OOSP2: variants seen among roughly 807,000 people sequenced by gnomAD.
OOSP2 encodes oocyte secreted protein 2.
Under a neutral mutation model 13.4 loss-of-function variants are expected in OOSP2, and 7 were observed. That is an observed-to-expected ratio of 0.52 (90% CI 0.30 to 0.98). The LOEUF is 0.98. Ranked by LOEUF, OOSP2 falls within the 50% of genes least tolerant of loss-of-function variation. OOSP2 has a pLI of 0.07. For synonymous variants in OOSP2, 75 were observed against 67.2 expected (o/e 1.12, Z -0.57); for missense variants, 184 against 188.5 (o/e 0.98, Z 0.14).
In OOSP2 at chr11:60,043,500, G is replaced by A; in HGVS notation, c.96G>A (p.Met32Ile). The A allele has an allele frequency of 6.2e-7, 1 of 1,613,302 alleles. No homozygotes were observed. The highest frequency in any genetic ancestry group is 8.5e-7 in the Non-Finnish European group (1 of 1,179,352). Residue 32 changes from methionine (M) to isoleucine (I), a missense_variant, in exon 2 of 4, where the codon ATG becomes ATA. Transcript: ENST00000278855. ...TAAGTTGCTCTCTGGACTGGTTGAT[G>A]GTCTCAGTTATCCCAGTTGCAGAAA... Reference protein sequence around the residue: ...VKISCSLDWLMVSVIPVAESR... With the variant: ...VKISCSLDWLIVSVIPVAESR...
chr11:60,043,444 G>A (rs754420012), intron 1 of OOSP2, 25 bp from the exon 2 acceptor site: 1 of 1,546,736 alleles, frequency 6.5e-7, no homozygotes. Flanking sequence ...CCCTTCTGAT[G>A]CTTTTCATAT....
At chr11:60,045,274 T>C (rs1423277956) in intron 3 of OOSP2, among the ~76,000 whole-genome samples, 3 of 152,170 alleles carry the variant, frequency 2.0e-5, no homozygotes, top group Admixed American at 1.3e-4. Context: ...AATTATTAAA[T>C]GTACTTTGCT....
intron 1 of OOSP2, among the ~76,000 whole-genome samples, chr11:60,043,125 C>T (rs1854959075): frequency 6.6e-6 from 1 of 152,016 alleles, no homozygotes; most frequent in Non-Finnish European, 1.5e-5. Context: ...AGGACGGTCT[C>T]GATCTCCTGA....
rs1449437198 is a variant in OOSP2, at chr11:60,042,970, T to A, written c.65-499T>A. Among the ~76,000 whole-genome samples, 3 of 152,044 alleles carry A rather than the reference T, an allele frequency of 2.0e-5. No homozygotes were observed. In the East Asian group the frequency reaches 5.8e-4, roughly 29 times the overall value. ...CCCAGGCTGGAGTGCAGTGGCGCGA[T>A]CTTGGTTCACTGCAAGCCCCGCCTC... On this transcript the variant is annotated intron_variant, in intron 1 of 3. Coordinates refer to ENST00000278855, the MANE Select transcript of OOSP2 (RefSeq NM_173801.5).
At position 60,047,042 on chromosome 11, in the gene OOSP2, GATT is replaced by G; in HGVS notation, c.452_454del (p.Leu151del). On this transcript the variant is annotated inframe_deletion, in exon 4 of 4. Transcript: ENST00000278855. The stretch of plus-strand genomic sequence containing the variant: ...TTTCAGACAACAGCAGAAGAGTTAG[GATT>G]ATTATCTTCTAGTCCAAACTTGCTC... 6.2e-7 allele frequency: 1 copy of G among 1,611,084 alleles called. No homozygotes were observed. Among genetic ancestry groups the G allele is most frequent in the Non-Finnish European group, 8.5e-7 (1 of 1,177,610 alleles).
chr11:60,041,228 G>A (rs999655453), intron 1 of OOSP2, among the ~76,000 whole-genome samples: 1 of 152,026 alleles, frequency 6.6e-6, no homozygotes, highest in Non-Finnish European at 1.5e-5. Context: ...AAACTGATAC[G>A]TCAATTTCTT....
chr11:60,047,051 C>T lies in OOSP2; in HGVS notation c.455C>T (p.Ser152Phe), dbSNP rs200996938. Residue 152 changes from serine to phenylalanine, a missense_variant, in exon 4 of 4, where the codon TCT becomes TTT. Coordinates refer to ENST00000278855, the MANE Select transcript of OOSP2 (RefSeq NM_173801.5). ...ACAGCAGAAGAGTTAGGATTATTAT[C>T]TTCTAGTCCAAACTTGCTCTGAGCT... ...QTTAEELGLL[S>F]SSPNLL 6.8e-6 allele frequency: 11 copies of T among 1,610,878 alleles called. No homozygotes were observed. The highest frequency in any genetic ancestry group is 2.2e-5 in the East Asian group (1 of 44,842).
chr11:60,043,025 C>T lies in OOSP2; in HGVS notation c.65-444C>T, dbSNP rs1302714988. On this transcript the variant is annotated intron_variant, in intron 1 of 3. Transcript: ENST00000278855. ...GTTCTCGCCGTTCTCCTGCCTCAGC[C>T]TCCCGAGTAGCTGGGACTACAGGCG... Among the ~76,000 whole-genome samples the T allele has an allele frequency of 2.0e-5, 3 of 152,224 alleles. No individual in the cohort carries two copies. In the East Asian group the frequency reaches 5.8e-4, roughly 29 times the overall value.
In OOSP2 at chr11:60,047,103, G is replaced by GT; in HGVS notation, c.*31dup. 5 of 1,572,330 alleles carry GT rather than the reference G, an allele frequency of 3.2e-6. No individual in the cohort carries two copies. The highest frequency in any genetic ancestry group is 4.3e-6 in the Non-Finnish European group (5 of 1,158,666). Reference sequence around the variant, plus strand: ...AAGGAGAAATGGAAACTTGAAGCTGGTGTTATGTATTTTGCAGGAAAACAG... The same window carrying GT: ...AAGGAGAAATGGAAACTTGAAGCTGGTTGTTATGTATTTTGCAGGAAAACAG... On this transcript the variant is annotated 3_prime_UTR_variant, in exon 4 of 4. Transcript: ENST00000278855.
intron 1 of OOSP2, among the ~76,000 whole-genome samples, chr11:60,041,101 G>A (rs1264924071): frequency 6.6e-6 from 1 of 152,158 alleles, no homozygotes; most frequent in African/African-American, 2.4e-5. Context: ...ATGCTTGCCA[G>A]CTCCAAGGCC....
chr11:60,046,622 T>C, intron 3 of OOSP2: 2 of 476,650 alleles, frequency 4.2e-6, no homozygotes, highest in South Asian at 3.1e-5. Context: ...GTTCTTAGGA[T>C]CCATTTGGCT....
chr11:60,046,072 C>T (rs912234777), intron 3 of OOSP2, among the ~76,000 whole-genome samples: 2 of 140,680 alleles, frequency 1.4e-5, no homozygotes, highest in Non-Finnish European at 3.1e-5. Context: ...CTGTCTCTCT[C>T]TGTCTGTCTC....
In OOSP2 at chr11:60,043,516, G is replaced by C; in HGVS notation, c.112G>C (p.Val38Leu). The C allele has an allele frequency of 6.2e-7, 1 of 1,613,498 alleles. No homozygotes were observed. The highest frequency in any genetic ancestry group is 1.1e-5 in the South Asian group (1 of 91,062). ...LDWLMVSVIP[V>L]AESRNLYIFA... The stretch of plus-strand genomic sequence containing the variant: ...CTGGTTGATGGTCTCAGTTATCCCA[G>C]TTGCAGAAAGCAGAAATCTGTATAT... The change falls in exon 2 of 4, where the codon GTT becomes CTT. Residue 38 changes from valine (V) to leucine (L), a missense_variant. Transcript: ENST00000278855.
chr11:60,042,354 G>A (rs1189018145), intron 1 of OOSP2, among the ~76,000 whole-genome samples: 2 of 152,180 alleles, frequency 1.3e-5, no homozygotes, highest in East Asian at 3.8e-4. Flanking sequence ...TGATTTAAAG[G>A]TTATGATCAC....
intron 3 of OOSP2, among the ~76,000 whole-genome samples, chr11:60,045,614 C>CATTTGTAT (rs1184013726): frequency 6.6e-6 from 1 of 151,716 alleles, no homozygotes; most frequent in East Asian, 1.9e-4. Context: ...TAATCTTGTA[C>CATTTGTAT]ATTTGTACAA....
intron 1 of OOSP2, among the ~76,000 whole-genome samples, chr11:60,042,179 A>T (rs1854943894): frequency 6.6e-6 from 1 of 152,226 alleles, no homozygotes; most frequent in African/African-American, 2.4e-5. Flanking sequence ...TGTGAAAAAA[A>T]ATGCAGTGAA....
At chr11:60,043,374 CT>C in intron 1 of OOSP2, 94 bp from the exon 2 acceptor site, 1 of 664,898 alleles carries the variant, frequency 1.5e-6, no homozygotes, top group Non-Finnish European at 2.5e-6. Context: ...AAATAAATGC[CT>C]TTTATTTATC....
rs1463500838 is a variant in OOSP2 at position 60,047,002 on chromosome 11, C to T, written c.406C>T (p.Pro136Ser). Residue 136 changes from proline to serine, a missense_variant, in exon 4 of 4, where the codon CCT (proline) becomes TCT (serine). Pro to Ser is a moderately conservative substitution (Grantham distance 74). Transcript: ENST00000278855. Reference protein sequence around the residue: ...TENEIKLDPSPFIADFQTTAE... With the variant: ...TENEIKLDPSSFIADFQTTAE... ...GAATGAAATAAAATTGGATCCTAGT[C>T]CTTTTATTGCTGACTTTCAGACAAC... The T allele has an allele frequency of 6.2e-7, 1 of 1,603,510 alleles. No homozygotes were observed. The highest frequency in any genetic ancestry group is 1.7e-5 in the Admixed American group (1 of 60,002).
chr11:60,045,742 G>T (rs1854999646), intron 3 of OOSP2, among the ~76,000 whole-genome samples: 1 of 151,958 alleles, frequency 6.6e-6, no homozygotes, highest in Non-Finnish European at 1.5e-5. Context: ...CAGTTCAGTG[G>T]CATTAAGTCC....
Sources: allele counts gnomAD v4.1 joint callset (sites outside exome capture counted in the v4.1 genomes callset), GRCh38; gene constraint gnomAD v4.1.1; transcripts MANE v1.5; gene names NCBI Gene and HGNC (gene_info 2026-07-23, HGNC 2026-07-21).